PRKN: variants seen among roughly 807,000 people sequenced by gnomAD.
PRKN encodes the protein parkin RBR E3 ubiquitin protein ligase.
PRKN carries 56 observed loss-of-function variants against 59.5 expected under a neutral mutation model. The observed-to-expected ratio is 0.94, with a 90% CI of 0.76 to 1.18. The LOEUF is 1.18. Among genes scored for constraint, PRKN ranks in the 50% most tolerant of loss-of-function variants. The pLI, the probability that PRKN is intolerant of heterozygous loss-of-function variation, is 0.00. For missense variants in PRKN, 657 were observed against 596.4 expected (o/e 1.10, Z -1.06); for synonymous variants, 250 against 222.1 (o/e 1.13, Z -1.12).
chr6:162,715,213 A>G (rs1200662126), intron 1 of PRKN, among the ~76,000 whole-genome samples: 3 of 152,206 alleles, frequency 2.0e-5, no homozygotes, highest in African/African-American at 7.2e-5. Context: ...GGTTAATATC[A>G]AAAGAGACTG....
intron 9 of PRKN, among the ~76,000 whole-genome samples, chr6:161,537,824 T>C (rs1482472577): frequency 1.3e-5 from 2 of 152,200 alleles, no homozygotes; most frequent in Non-Finnish European, 2.9e-5. Flanking sequence ...TATGTCACAT[T>C]CTGCAAGTGG....
intron 4 of PRKN, among the ~76,000 whole-genome samples, chr6:162,169,826 A>C (rs2128319225): frequency 6.6e-6 from 1 of 152,312 alleles, no homozygotes; most frequent in African/African-American, 2.4e-5. Flanking sequence ...ATCAGGTAAA[A>C]GGTTTCAGGA....
intron 7 of PRKN, among the ~76,000 whole-genome samples, chr6:161,603,231 G>C (rs1244404953): frequency 6.6e-6 from 1 of 152,044 alleles, no homozygotes; most frequent in Non-Finnish European, 1.5e-5. Context: ...TAAAACCCCG[G>C]GTTCCTAAAT....
At chr6:162,004,180 C>T (rs1782163294) in intron 5 of PRKN, among the ~76,000 whole-genome samples, 1 of 152,194 alleles carries the variant, frequency 6.6e-6, no homozygotes, top group South Asian at 2.1e-4. Flanking sequence ...CACTATCCCA[C>T]TTGGTACTGT....
chr6:162,455,455 G>C (rs1209667031), intron 1 of PRKN, among the ~76,000 whole-genome samples: 2 of 152,198 alleles, frequency 1.3e-5, no homozygotes, highest in Non-Finnish European at 2.9e-5. Context: ...AACGTGTACA[G>C]CATGCTACTG....
intron 2 of PRKN, among the ~76,000 whole-genome samples, chr6:162,433,552 C>T (rs1354403170): frequency 7.6e-6 from 1 of 131,590 alleles, no homozygotes; most frequent in Non-Finnish European, 1.6e-5. Context: ...CAGCATGTAT[C>T]TCAATGTTCC....
chr6:161,751,612 T>C (rs1158680563), intron 7 of PRKN, among the ~76,000 whole-genome samples: 1 of 152,214 alleles, frequency 6.6e-6, no homozygotes, highest in Non-Finnish European at 1.5e-5. Context: ...ATTCTTGTCT[T>C]ACATAATCCA....
intron 2 of PRKN, among the ~76,000 whole-genome samples, chr6:162,383,622 C>T (rs950526565): frequency 4.6e-5 from 7 of 152,168 alleles, no homozygotes; most frequent in Non-Finnish European, 8.8e-5. Flanking sequence ...GGTAAATGAG[C>T]ATTAGCTTCA....
At chr6:161,697,739 C>T (rs927470871) in intron 7 of PRKN, among the ~76,000 whole-genome samples, 1 of 152,106 alleles carries the variant, frequency 6.6e-6, no homozygotes, top group African/African-American at 2.4e-5. Flanking sequence ...ACTCAATTCA[C>T]CATGACCTTT....
intron 6 of PRKN, among the ~76,000 whole-genome samples, chr6:161,920,835 T>C (rs113234096): frequency 1.2e-4 from 18 of 151,672 alleles, no homozygotes; most frequent in African/African-American, 4.1e-4. Flanking sequence ...TTACTGTGAA[T>C]GGAGCTTACA....
intron 4 of PRKN, among the ~76,000 whole-genome samples, chr6:162,086,804 C>T (rs1404961489): frequency 6.6e-6 from 1 of 152,164 alleles, no homozygotes; most frequent in Non-Finnish European, 1.5e-5. Flanking sequence ...ATTTTTCTCT[C>T]TGGTTAGAAT....
intron 2 of PRKN, among the ~76,000 whole-genome samples, chr6:162,328,218 G>C (rs1783395970): frequency 1.7e-5 from 2 of 114,368 alleles, no homozygotes; most frequent in Admixed American, 1.8e-4. Flanking sequence ...AAGTTAATGG[G>C]CATGGTGGTG....
At position 161,409,365 on chromosome 6, in the gene PRKN, A is replaced by G. The variant is rs1038458709; in HGVS notation, c.1084-22488T>C. 2.6e-5 allele frequency among the ~76,000 whole-genome samples: 4 copies of G among 152,216 alleles called. No homozygotes were observed. Among genetic ancestry groups the G allele is most frequent in the Non-Finnish European group, 5.9e-5 (4 of 68,044 alleles). On this transcript the variant is annotated intron_variant, in intron 9 of 11. Coordinates refer to ENST00000366898, the MANE Select transcript of PRKN (RefSeq NM_004562.3). This position sits in a 1 kb window ranked among gnomAD's most constrained non-coding sequence, Gnocchi z 4.6. ...TGTGTGTTCTCTAAAGCGCCAGGTTATAACGGCCATATGTCTCCCTGAGTA... is the reference window on the plus strand; with the variant it reads ...TGTGTGTTCTCTAAAGCGCCAGGTTGTAACGGCCATATGTCTCCCTGAGTA...
chr6:161,967,094 T>C (rs1195390477), intron 6 of PRKN, among the ~76,000 whole-genome samples: 1 of 152,210 alleles, frequency 6.6e-6, no homozygotes, highest in Non-Finnish European at 1.5e-5. Context: ...CCTCCCAAGG[T>C]GCTGGGATTA....
intron 2 of PRKN, among the ~76,000 whole-genome samples, chr6:162,264,151 C>T (rs546923682): frequency 6.6e-6 from 1 of 152,044 alleles, no homozygotes; most frequent in African/African-American, 2.4e-5. Flanking sequence ...GTGGCATGTA[C>T]CTGTAATCCC....
Position 162,219,769 on chromosome 6 carries a change from A to C in PRKN, c.413-18517T>G, listed in dbSNP as rs544714192. On this transcript the variant is annotated intron_variant, in intron 3 of 11. Transcript: ENST00000366898. Reference sequence around the variant, plus strand: ...AATACATTTTAGAGATTAAATGATTAGTTTCTTTACATATGAAATAGGGCT... The same window carrying C: ...AATACATTTTAGAGATTAAATGATTCGTTTCTTTACATATGAAATAGGGCT... 5.3e-5 allele frequency among the ~76,000 whole-genome samples: 8 copies of C among 152,270 alleles called. No individual in the cohort carries two copies. The South Asian group carries it at 1.7e-3, about 32-fold the overall frequency.
chr6:161,449,079 T>C (rs1467773300), intron 9 of PRKN, among the ~76,000 whole-genome samples: 3 of 152,122 alleles, frequency 2.0e-5, no homozygotes, highest in Non-Finnish European at 4.4e-5. Flanking sequence ...GGATAAATGG[T>C]TTGTGGTTAT....
intron 9 of PRKN, among the ~76,000 whole-genome samples, chr6:161,513,064 CCAGGA>C (rs2115336778): frequency 6.6e-6 from 1 of 152,260 alleles, no homozygotes; most frequent in East Asian, 1.9e-4. Flanking sequence ...CAGGTCAGGA[CCAGGA>C]CAAGTTCCAC....
chr6:162,524,560 T>A lies in PRKN; in HGVS notation c.8-81087A>T, dbSNP rs62429615. 6.8e-3 allele frequency among the ~76,000 whole-genome samples: 1,031 copies of A among 152,334 alleles called. 5 individuals are homozygous for A. Among genetic ancestry groups the A allele is most frequent in the Admixed American group, 0.013 (196 of 15,298 alleles). On this transcript the variant is annotated intron_variant, in intron 1 of 11. Transcript: ENST00000366898. ...ATTTACTTTAGGGTGTATTCATCCATAATTCTCTTCTCTTGAGCAACTTTC... is the reference window on the plus strand; with the variant it reads ...ATTTACTTTAGGGTGTATTCATCCAAAATTCTCTTCTCTTGAGCAACTTTC...
Sources: allele counts gnomAD v4.1 joint callset (sites outside exome capture counted in the v4.1 genomes callset), GRCh38; gene constraint gnomAD v4.1.1; non-coding constraint Gnocchi (gnomAD v3.1); transcripts MANE v1.5; gene names NCBI Gene and HGNC (gene_info 2026-07-23, HGNC 2026-07-21).